Variants in HECW1 observed in about 807,000 individuals in gnomAD.
HECW1 encodes E3 ubiquitin-protein ligase HECW1.
In HECW1, 61 loss-of-function variants were observed where a neutral mutation model predicts 182.3. That is an observed-to-expected ratio of 0.33 (90% CI 0.27 to 0.41). The LOEUF is 0.41. HECW1 is among the 10% of genes least tolerant of loss of function. HECW1 has a pLI of 1.00. For synonymous variants in HECW1, 859 were observed against 832.6 expected (o/e 1.03, Z -0.55); for missense variants, 1,739 against 2,108.9 (o/e 0.82, Z 3.44).
At position 43,507,227 on chromosome 7, in the gene HECW1, A is replaced by G. The variant is rs962394932; in HGVS notation, c.3722A>G (p.Lys1241Arg). The change falls in exon 22 of 30, where the codon AAA becomes AGA. Residue 1241 changes from lysine (K) to arginine (R), a missense_variant. Around this residue, in one of 5 missense-constraint regions of HECW1, gnomAD observed 420 missense variants for 595.7 expected, o/e 0.71. Transcript: ENST00000395891. ...LRNFYRKLEA[K>R]GFGQGPGKIK... ...AATTTCTACAGAAAACTGGAAGCCA[A>G]AGGATTTGGTCAGGGTCCGGGGAAA... 8 of 1,613,702 alleles carry G rather than the reference A, an allele frequency of 5.0e-6. No homozygotes were observed. In the Admixed American group the frequency reaches 6.7e-5, roughly 13 times the overall value.
chr7:43,126,881 A>G (rs1402251309), intron 2 of HECW1, among the ~76,000 whole-genome samples: 3 of 152,202 alleles, frequency 2.0e-5, no homozygotes, highest in African/African-American at 4.8e-5. Flanking sequence ...GGCGAACTCA[A>G]TCAATAACTG....
chr7:43,549,934 GAGTATAGGAAACTTGTT>G (rs1303460410), intron 26 of HECW1, among the ~76,000 whole-genome samples: 2 of 152,128 alleles, frequency 1.3e-5, no homozygotes, highest in Non-Finnish European at 2.9e-5. Context: ...TATGCCTCTT[GAGTATAGGAAACTTGTT>G]TCCTCTGTAT....
chr7:43,379,876 C>G (rs1042796270), intron 6 of HECW1, among the ~76,000 whole-genome samples: 2 of 152,164 alleles, frequency 1.3e-5, no homozygotes, highest in Non-Finnish European at 2.9e-5. Context: ...GTGTTTGCCT[C>G]CCTCCTAAAG....
At chr7:43,518,805 CAAT>C (rs1403323050) in intron 24 of HECW1, among the ~76,000 whole-genome samples, 2 of 152,174 alleles carry the variant, frequency 1.3e-5, no homozygotes, top group African/African-American at 4.8e-5. Flanking sequence ...ACTAAGGTAA[CAAT>C]GATATATCAC....
At chr7:43,376,471 G>A (rs1584688897) in intron 6 of HECW1, among the ~76,000 whole-genome samples, 1 of 152,188 alleles carries the variant, frequency 6.6e-6, no homozygotes, top group African/African-American at 2.4e-5. Flanking sequence ...GTAGGTGCCC[G>A]TGAGTTGGCA....
intron 27 of HECW1, among the ~76,000 whole-genome samples, chr7:43,551,700 T>G (rs942571697): frequency 6.6e-6 from 1 of 152,188 alleles, no homozygotes; most frequent in Non-Finnish European, 1.5e-5. Flanking sequence ...CATGAAGGCT[T>G]GTGTTCTAAA....
intron 24 of HECW1, among the ~76,000 whole-genome samples, chr7:43,534,195 G>C (rs1193900300): frequency 1.3e-5 from 2 of 152,160 alleles, no homozygotes; most frequent in African/African-American, 2.4e-5. Context: ...TGTCCTTCCA[G>C]AGTATCATTA....
chr7:43,509,909 A>C (rs1341338091), intron 24 of HECW1: 1 of 152,372 alleles, frequency 6.6e-6, no homozygotes, highest in Non-Finnish European at 1.5e-5. Context: ...TTGGGGTGAC[A>C]CCTGGGCCTG....
intron 24 of HECW1, among the ~76,000 whole-genome samples, chr7:43,523,480 A>G (rs897155492): frequency 6.6e-6 from 1 of 152,146 alleles, no homozygotes; most frequent in East Asian, 1.9e-4. Flanking sequence ...AGCCCAGAGG[A>G]GGCAGGGAAA....
chr7:43,410,192 T>C (rs990274018), intron 8 of HECW1, among the ~76,000 whole-genome samples: 1 of 152,180 alleles, frequency 6.6e-6, no homozygotes, highest in Non-Finnish European at 1.5e-5. Context: ...AGAAAATGAC[T>C]GGGTGGCTTA....
chr7:43,236,526 G>C (rs921623402), intron 2 of HECW1, among the ~76,000 whole-genome samples: 57 of 152,182 alleles, frequency 3.7e-4, no homozygotes, highest in African/African-American at 1.3e-3. Context: ...ATGTACATTG[G>C]TTTGGTCCCA....
intron 26 of HECW1, 117 bp from the exon 27 acceptor site, chr7:43,550,328 G>C: frequency 9.3e-7 from 1 of 1,077,276 alleles, no homozygotes; most frequent in South Asian, 1.5e-5. Context: ...GGATAATAAT[G>C]CTGAATAATG....
intron 2 of HECW1, among the ~76,000 whole-genome samples, chr7:43,115,527 A>G (rs892967834): frequency 1.3e-5 from 2 of 152,204 alleles, no homozygotes; most frequent in Non-Finnish European, 2.9e-5. Context: ...TGACAATGGC[A>G]TGAGACTTAC....
At chr7:43,362,682 G>A (rs1179687632) in intron 6 of HECW1, among the ~76,000 whole-genome samples, 1 of 152,234 alleles carries the variant, frequency 6.6e-6, no homozygotes, top group Non-Finnish European at 1.5e-5. Context: ...CAGCTAAATC[G>A]AGGCAGAAAA....
intron 3 of HECW1, among the ~76,000 whole-genome samples, chr7:43,293,686 C>G (rs1442026170): frequency 1.3e-5 from 2 of 152,116 alleles, no homozygotes; most frequent in Non-Finnish European, 2.9e-5. Flanking sequence ...CTGAAGAAAG[C>G]CTCTAGTGTG....
In HECW1 at chr7:43,444,967, G is replaced by A. The variant is rs766161806; in HGVS notation, c.1795G>A (p.Gly599Arg). The change falls in exon 11 of 30, where the codon GGG (glycine) becomes AGG (arginine). Residue 599 changes from glycine to arginine, a missense_variant. Gly to Arg is a moderately radical substitution (Grantham distance 125). This residue lies in a region of HECW1 where 971 missense variants were observed against 1,029.1 expected (regional missense o/e 0.94). Coordinates refer to ENST00000395891, the MANE Select transcript of HECW1 (RefSeq NM_015052.5). The surrounding 1 kb of genome is among the most constrained non-coding windows in gnomAD (Gnocchi z 4.3). ...STLKDSSEKD[G>R]LSEVDTVAAD... The stretch of plus-strand genomic sequence containing the variant: ...CCTCAAGGACTCCTCGGAGAAGGAT[G>A]GGCTCAGCGAGGTGGACACGGTGGC... 2.6e-6 allele frequency: 4 copies of A among 1,568,308 alleles called. No individual in the cohort carries two copies. The highest frequency in any genetic ancestry group is 2.6e-6 in the Non-Finnish European group (3 of 1,155,854).
At chr7:43,400,615 G>A (rs2075373848) in intron 7 of HECW1, among the ~76,000 whole-genome samples, 1 of 152,142 alleles carries the variant, frequency 6.6e-6, no homozygotes, top group Non-Finnish European at 1.5e-5. Flanking sequence ...ACAAAATAGA[G>A]GGAAGTGCAG....
rs1043032391 is a variant in HECW1 at position 43,314,558 on chromosome 7, G to A, written c.352+2471G>A. Among the ~76,000 whole-genome samples, 4 of 152,268 alleles carry A rather than the reference G, an allele frequency of 2.6e-5. No individual in the cohort carries two copies. The South Asian group carries it at 6.2e-4, about 24-fold the overall frequency. On this transcript the variant is annotated intron_variant, in intron 4 of 29. Transcript: ENST00000395891. The stretch of plus-strand genomic sequence containing the variant: ...GGTGGGTAGCCATATCAGGTATTAC[G>A]AAACTCCATGAATGAATAAGATCTG...
At chr7:43,223,039 A>G (rs573512271) in intron 2 of HECW1, among the ~76,000 whole-genome samples, 39 of 152,242 alleles carry the variant, frequency 2.6e-4, no homozygotes, top group African/African-American at 9.4e-4. Flanking sequence ...TTCTTCTCCA[A>G]ACCTCCCCTG....
Sources: gnomAD v4.1 joint callset for allele counts (sites outside exome capture counted in the v4.1 genomes callset) on GRCh38, gnomAD v4.1.1 for gene constraint, gnomAD v4.1.1 regional missense constraint, Gnocchi (gnomAD v3.1) non-coding constraint, MANE v1.5 for transcripts, NCBI Gene and HGNC (gene_info 2026-07-23, HGNC 2026-07-21) for gene names.